Variants in CIT observed in about 807,000 individuals in gnomAD.
The protein encoded by CIT is citron rho-interacting serine/threonine kinase, also known as citron Rho-interacting kinase.
In CIT, 79 loss-of-function variants were observed where a neutral mutation model predicts 272.7. That is an observed-to-expected ratio of 0.29 (90% CI 0.24 to 0.35). The LOEUF (loss-of-function observed/expected upper bound fraction) is 0.35, where lower values mean the gene tolerates loss of function less well. Among genes scored for constraint, CIT ranks in the 10% least tolerant of loss-of-function variants. CIT has a pLI of 1.00. For synonymous variants in CIT, 948 were observed against 995.6 expected (o/e 0.95, Z 0.90); for missense variants, 1,909 against 2,618.3 (o/e 0.73, Z 5.91).
At chr12:119,803,417 C>G (rs201585619) in intron 9 of CIT, 28 bp from the exon 10 acceptor site, 1 of 1,497,338 alleles carries the variant, frequency 6.7e-7, no homozygotes, top group East Asian at 2.4e-5. Flanking sequence ...AGAAAGGAGG[C>G]GGGGAGGAAA....
rs1340880566 is a variant in CIT at position 119,822,915 on chromosome 12, T to C, written c.1016A>G (p.Gln339Arg). The change falls in exon 9 of 48, where the codon CAA becomes CGA. Residue 339 changes from glutamine (Q) to arginine (R), a missense_variant. Transcript: ENST00000392521. ...KVSSDFLDLI[Q>R]SLLCGQKERL... ...CTCTTTCTGGCCGCACAACAAGCTTTGAATCAGATCAAGAAAGTCACTGCT... is the reference window on the plus strand; with the variant it reads ...CTCTTTCTGGCCGCACAACAAGCTTCGAATCAGATCAAGAAAGTCACTGCT... 5 of 1,614,118 alleles carry C rather than the reference T, an allele frequency of 3.1e-6. No homozygotes were observed. Among genetic ancestry groups the C allele is most frequent in the Non-Finnish European group, 4.2e-6 (5 of 1,180,022 alleles).
At chr12:119,781,270 A>G (rs1055006780) in intron 13 of CIT, among the ~76,000 whole-genome samples, 3 of 152,246 alleles carry the variant, frequency 2.0e-5, no homozygotes, top group Admixed American at 6.5e-5. Context: ...GTTTATTTAT[A>G]ATGTTTTTAT....
intron 17 of CIT, among the ~76,000 whole-genome samples, chr12:119,771,150 C>T (rs569792888): frequency 1.9e-4 from 29 of 152,304 alleles, no homozygotes; most frequent in Admixed American, 6.5e-4. Context: ...CAAAGTGCCA[C>T]CTAGGCATCA....
intron 24 of CIT, among the ~76,000 whole-genome samples, chr12:119,740,280 A>AGT (rs1340306233): frequency 6.6e-6 from 1 of 152,240 alleles, no homozygotes; most frequent in Non-Finnish European, 1.5e-5. Context: ...TCTACATACT[A>AGT]GTGTATTCCA....
chr12:119,842,861 A>G (rs1360967452), intron 5 of CIT, among the ~76,000 whole-genome samples: 2 of 152,214 alleles, frequency 1.3e-5, no homozygotes, highest in African/African-American at 4.8e-5. Context: ...AATGCACATC[A>G]AATTTCTATG....
chr12:119,802,802 C>T (rs1966307291), intron 10 of CIT, among the ~76,000 whole-genome samples: 2 of 152,114 alleles, frequency 1.3e-5, no homozygotes, highest in African/African-American at 4.8e-5. Context: ...AGATAGCAAC[C>T]CCCATCCACC....
chr12:119,875,098 T>A (rs1950803757), intron 2 of CIT, among the ~76,000 whole-genome samples: 1 of 152,116 alleles, frequency 6.6e-6, no homozygotes, highest in African/African-American at 2.4e-5. Context: ...AGCCCAGGAA[T>A]TCGAGACCTG....
intron 9 of CIT, among the ~76,000 whole-genome samples, chr12:119,812,456 T>TA (rs943426133): frequency 2.6e-5 from 4 of 152,040 alleles, no homozygotes; most frequent in African/African-American, 9.7e-5. Flanking sequence ...TTTTTTTTTT[T>TA]AGAGACAGTG....
chr12:119,807,748 T>C (rs1332143095), intron 9 of CIT, among the ~76,000 whole-genome samples: 1 of 152,150 alleles, frequency 6.6e-6, no homozygotes, highest in Non-Finnish European at 1.5e-5. Context: ...CTGAGAAATA[T>C]GTTAATAAGT....
chr12:119,723,937 A>G (rs575371249), intron 28 of CIT, among the ~76,000 whole-genome samples: 5 of 152,350 alleles, frequency 3.3e-5, no homozygotes, highest in African/African-American at 1.2e-4. Context: ...CTCTGTGGAA[A>G]GACAAATCTA....
At chr12:119,781,137 T>C (rs1964249665) in intron 13 of CIT, among the ~76,000 whole-genome samples, 1 of 152,228 alleles carries the variant, frequency 6.6e-6, no homozygotes, top group Non-Finnish European at 1.5e-5. Context: ...ACTATGTTGA[T>C]AAAAGGAGCA....
chr12:119,726,461 G>T (rs943515175), intron 28 of CIT, among the ~76,000 whole-genome samples: 7 of 135,638 alleles, frequency 5.2e-5, no homozygotes, highest in Admixed American at 8.7e-5. Context: ...CAAACTCTTG[G>T]CCTCAAGCAA....
rs577276159 is a variant in CIT at position 119,869,145 on chromosome 12, T to C, written c.153A>G (p.Ile51Met). The change falls in exon 3 of 48, where the codon ATA becomes ATG. Residue 51 changes from isoleucine to methionine, a missense_variant. Ile to Met is a conservative substitution (Grantham distance 10, BLOSUM62 1). This residue lies in a region of CIT where 529 missense variants were observed against 549.6 expected (regional missense o/e 0.96). Transcript: ENST00000392521. Reference protein sequence around the residue: ...QQMSPLSREGILDALFVLFEE... With the variant: ...QQMSPLSREGMLDALFVLFEE... The stretch of plus-strand genomic sequence containing the variant: ...CAAAGAGAACAAAGAGGGCATCTAA[T>C]ATCCCTTCTCGGGAAAGAGGAGACA... The C allele has an allele frequency of 6.2e-7, 1 of 1,613,350 alleles. No individual in the cohort carries two copies. Among genetic ancestry groups the C allele is most frequent in the South Asian group, 1.1e-5 (1 of 90,878 alleles).
chr12:119,691,236 C>T (rs1351230303), intron 46 of CIT, among the ~76,000 whole-genome samples: 1 of 151,328 alleles, frequency 6.6e-6, no homozygotes, highest in Non-Finnish European at 1.5e-5. Context: ...TCCTACTGAC[C>T]TACTATTTCC....
At chr12:119,823,128 T>C (rs891769706) in intron 8 of CIT, among the ~76,000 whole-genome samples, 155 bp from the exon 9 acceptor site, 3 of 152,158 alleles carry the variant, frequency 2.0e-5, no homozygotes, top group African/African-American at 4.8e-5. Context: ...ACCAAAGGCG[T>C]GTTCCCAAAA....
rs1323719973 is a variant in CIT, at chr12:119,712,219, C to T, written c.4813G>A (p.Ala1605Thr). The T allele has an allele frequency of 1.9e-6, 3 of 1,611,104 alleles. No homozygotes were observed. Among genetic ancestry groups the T allele is most frequent in the South Asian group, 1.1e-5 (1 of 90,646 alleles). The change falls in exon 37 of 48, where the codon GCA (alanine) becomes ACA (threonine). Residue 1605 changes from alanine to threonine, a missense_variant. Physicochemically the swap from Ala to Thr is moderately conservative, Grantham distance 58. Transcript: ENST00000392521. The surrounding 1 kb of genome is among the most constrained non-coding windows in gnomAD (Gnocchi z 5.2). The stretch of plus-strand genomic sequence containing the variant: ...TTTTCCCTAGAAACTCTCCCACCTG[C>T]GACAACTGATTCTAAGGCGGTGACC... ...RWVTALESVV[A>T]GGRVSREKAE...
chr12:119,754,921 C>A (rs1960741086), intron 22 of CIT, among the ~76,000 whole-genome samples: 2 of 152,186 alleles, frequency 1.3e-5, no homozygotes, highest in Non-Finnish European at 2.9e-5. Context: ...AAAGGGAAGG[C>A]AAGAGACAGC....
At chr12:119,824,108 G>GTA (rs59234933) in intron 8 of CIT, among the ~76,000 whole-genome samples, 3,454 of 125,220 alleles carry the variant, frequency 0.028, 47 homozygotes, top group Non-Finnish European at 0.041. Flanking sequence ...TAGTTTTACT[G>GTA]TATATATATA....
chr12:119,855,759 ACCT>A (rs1217814640), intron 4 of CIT, among the ~76,000 whole-genome samples: 1 of 152,130 alleles, frequency 6.6e-6, no homozygotes, highest in Non-Finnish European at 1.5e-5. Context: ...CAGGCCATTC[ACCT>A]GGAGGAAGGT....
Sources: allele counts gnomAD v4.1 joint callset (sites outside exome capture counted in the v4.1 genomes callset), GRCh38; gene constraint gnomAD v4.1.1; regional missense constraint gnomAD v4.1.1; non-coding constraint Gnocchi (gnomAD v3.1); transcripts MANE v1.5; gene names NCBI Gene and HGNC (gene_info 2026-07-23, HGNC 2026-07-21).